The following DISP1 variants were observed in gnomAD, a reference collection of about 807,000 sequenced individuals.
The protein encoded by DISP1 is protein dispatched homolog 1.
Under a neutral mutation model 37.3 loss-of-function variants are expected in DISP1, and 30 were observed. The observed-to-expected ratio is 0.80, with a 90% confidence interval of 0.60 to 1.09. DISP1 has a LOEUF of 1.09. Among genes scored for constraint, DISP1 ranks in the 50% least tolerant of loss-of-function variants. The pLI, the probability that DISP1 is intolerant of heterozygous loss-of-function variation, is 0.00. For missense variants in DISP1, 1,598 were observed against 1,879.5 expected, an observed-to-expected ratio of 0.85 and a Z score of 2.77; for synonymous variants, 634 against 690.2, an observed-to-expected ratio of 0.92 and a Z score of 1.28.
At position 222,859,383 on chromosome 1, in the gene DISP1, G is replaced by C. The variant is rs978953345; in HGVS notation, c.-159+44305G>C. Among the ~76,000 whole-genome samples the C allele has an allele frequency of 2.0e-5, 3 of 152,294 alleles. No homozygotes were observed. In the East Asian group the frequency reaches 5.8e-4, roughly 29 times the overall value. ...TTAGGAAAAATAGCTAATGCATGCTGGGCTTAACACCTAGGTGATGGGTTG... is the reference window on the plus strand; with the variant it reads ...TTAGGAAAAATAGCTAATGCATGCTCGGCTTAACACCTAGGTGATGGGTTG... On this transcript the variant is annotated intron_variant, in intron 1 of 8. Transcript: ENST00000675850.
chr1:222,843,072 A>G (rs1667700856), intron 1 of DISP1, among the ~76,000 whole-genome samples: 1 of 152,046 alleles, frequency 6.6e-6, no homozygotes, highest in Non-Finnish European at 1.5e-5. Flanking sequence ...GCTTTTATAG[A>G]CACATTACTT....
intron 1 of DISP1, among the ~76,000 whole-genome samples, chr1:222,848,397 G>A (rs751652026): frequency 2.0e-4 from 30 of 147,582 alleles, no homozygotes; most frequent in Non-Finnish European, 3.7e-4. Flanking sequence ...ACAAACAATA[G>A]GAGAGTAAAT....
intron 3 of DISP1, among the ~76,000 whole-genome samples, chr1:222,958,852 T>C (rs1675816870): frequency 6.6e-6 from 1 of 152,190 alleles, no homozygotes; most frequent in Admixed American, 6.5e-5. Flanking sequence ...CACCTGCAAA[T>C]ATATAGGCTT....
At chr1:222,954,960 G>A (rs1367166285) in intron 3 of DISP1, among the ~76,000 whole-genome samples, 1 of 152,114 alleles carries the variant, frequency 6.6e-6, no homozygotes, top group Non-Finnish European at 1.5e-5. Flanking sequence ...GGGGTGGGGT[G>A]TGGGGGCTGG....
intron 3 of DISP1, among the ~76,000 whole-genome samples, chr1:222,957,101 C>G (rs1361587460): frequency 2.1e-5 from 3 of 142,844 alleles, no homozygotes; most frequent in Non-Finnish European, 4.5e-5. Context: ...ACCTGTCATC[C>G]TTTTCAGATT....
intron 1 of DISP1, among the ~76,000 whole-genome samples, chr1:222,859,643 T>C (rs1396960724): frequency 6.6e-6 from 1 of 152,212 alleles, no homozygotes; most frequent in Non-Finnish European, 1.5e-5. Context: ...TGTTGGGAGA[T>C]AAATTTGAGA....
rs554079968 is a variant in DISP1, at chr1:222,921,303, C to T, written c.-158-7127C>T. 3.3e-5 allele frequency among the ~76,000 whole-genome samples: 5 copies of T among 151,556 alleles called. No individual in the cohort carries two copies. In the South Asian group the frequency reaches 1.0e-3, roughly 32 times the overall value. ...CAGCTTGGGCTAAAGAGTGAGACTC[C>T]ATCTCAAAAAACAAAAAAGAAAAAA... On this transcript the variant is annotated intron_variant, in intron 1 of 8. Transcript: ENST00000675850.
In DISP1 at chr1:222,883,971, C is replaced by G. The variant is rs138826401; in HGVS notation, c.-158-44459C>G. ...ACTTACAGCTCTTTGAAGACCAGGA[C>G]CCATCTTTTCTTATTCATCTTGGTA... On this transcript the variant is annotated intron_variant, in intron 1 of 8. Coordinates refer to ENST00000675850, the MANE Select transcript of DISP1 (RefSeq NM_001377229.1). Among the ~76,000 whole-genome samples, 447 of 152,258 alleles carry G rather than the reference C, an allele frequency of 2.9e-3. 3 individuals carry two copies. The highest frequency in any genetic ancestry group is 0.01 in the African/African-American group (434 of 41,546).
At chr1:222,983,293 T>G (rs1357959248) in intron 4 of DISP1, among the ~76,000 whole-genome samples, 184 bp downstream of exon 4, 1 of 152,172 alleles carries the variant, frequency 6.6e-6, no homozygotes, top group Non-Finnish European at 1.5e-5. Context: ...GGTTTTAATC[T>G]TAAGGTAGAT....
intron 3 of DISP1, among the ~76,000 whole-genome samples, chr1:222,946,999 A>T (rs1674834720): frequency 6.6e-6 from 1 of 152,052 alleles, no homozygotes. Flanking sequence ...TGTGTTTGTG[A>T]TTTTTTTTAT....
chr1:222,841,523 A>G (rs1667611520), intron 1 of DISP1, among the ~76,000 whole-genome samples: 1 of 152,218 alleles, frequency 6.6e-6, no homozygotes, highest in Non-Finnish European at 1.5e-5. Flanking sequence ...GTGTTTAACC[A>G]CTACGCTAGA....
At chr1:222,858,880 G>C (rs967449884) in intron 1 of DISP1, among the ~76,000 whole-genome samples, 1 of 152,174 alleles carries the variant, frequency 6.6e-6, no homozygotes, top group Non-Finnish European at 1.5e-5. Flanking sequence ...TTACACTGTT[G>C]GTGGGAATGT....
intron 1 of DISP1, among the ~76,000 whole-genome samples, chr1:222,908,474 C>T (rs773003873): frequency 5.3e-5 from 8 of 152,268 alleles, no homozygotes; most frequent in East Asian, 1.9e-4. Context: ...GGTGCGATCT[C>T]GGCTCACTGC....
chr1:222,854,978 A>C (rs1668472372), intron 1 of DISP1, among the ~76,000 whole-genome samples: 1 of 152,166 alleles, frequency 6.6e-6, no homozygotes, highest in Non-Finnish European at 1.5e-5. Context: ...GGGGCTCCTC[A>C]GAGGAACCTC....
In DISP1 at chr1:222,942,660, C is replaced by G. The variant is rs1034712848; in HGVS notation, c.-17-147C>G. On this transcript the variant is annotated intron_variant, in intron 2 of 8. Transcript: ENST00000675850. ...GTGCCACTGTGTTGGCTGGTTCCAT[C>G]ACAGATGCTGCGGAATTTCTACCAC... The G allele has an allele frequency of 5.6e-6, 5 of 900,544 alleles. No homozygotes were observed. In the Admixed American group the frequency reaches 1.1e-4, roughly 20 times the overall value. The allele number at this position is 900,544 out of a possible 1,614,324, so 55.8% of individuals were successfully genotyped here. A position where few individuals can be genotyped will look rare whatever the true frequency, so the allele number is the denominator to read the frequency against.
intron 2 of DISP1, among the ~76,000 whole-genome samples, chr1:222,940,409 C>T (rs999862512): frequency 6.6e-6 from 1 of 152,116 alleles, no homozygotes; most frequent in African/African-American, 2.4e-5. Context: ...GGAAATCTAG[C>T]CCCATAATCC....
At chr1:222,919,219 C>G (rs536066523) in intron 1 of DISP1, among the ~76,000 whole-genome samples, 43 of 152,144 alleles carry the variant, frequency 2.8e-4, no homozygotes, top group Non-Finnish European at 6.0e-4. Context: ...GGATCGTGAT[C>G]AACTTAGTAT....
chr1:222,856,160 G>C (rs17163525), intron 1 of DISP1, among the ~76,000 whole-genome samples: 12,396 of 152,110 alleles, frequency 0.081, 572 homozygotes, highest in Non-Finnish European at 0.098. Context: ...TAGCTGCAAG[G>C]GACTACATGT....
At chr1:222,969,881 C>G (rs915395340) in intron 3 of DISP1, among the ~76,000 whole-genome samples, 17 of 151,620 alleles carry the variant, frequency 1.1e-4, no homozygotes, top group Non-Finnish European at 2.1e-4. Context: ...GAAAACAAAC[C>G]AACATTAATA....
Sources: gnomAD v4.1 joint callset for allele counts (sites outside exome capture counted in the v4.1 genomes callset) on GRCh38, gnomAD v4.1.1 for gene constraint, MANE v1.5 for transcripts, NCBI Gene and HGNC (gene_info 2026-07-23, HGNC 2026-07-21) for gene names.